Variants in ATP1A3 observed in about 807,000 individuals in gnomAD.
The protein encoded by ATP1A3 is sodium/potassium-transporting ATPase subunit alpha-3.
ATP1A3 carries 12 observed loss-of-function variants against 108.8 expected under a neutral mutation model. The ratio of observed to expected loss-of-function variants is 0.11; its 90% CI spans 0.07 to 0.18. The LOEUF is 0.18. Among genes scored for constraint, ATP1A3 ranks in the 10% least tolerant of loss-of-function variants. The pLI is 1.00. For synonymous variants in ATP1A3, 539 were observed against 564.5 expected (o/e 0.95, Z 0.64); for missense variants, 498 against 1,387.7 (o/e 0.36, Z 10.19).
chr19:41,970,879 T>A (rs541747676), intron 16 of ATP1A3, among the ~76,000 whole-genome samples: 3 of 151,734 alleles, frequency 2.0e-5, no homozygotes, highest in Non-Finnish European at 4.4e-5. Context: ...TGATCTGCCC[T>A]CCTCGGCCTC....
chr19:41,983,727 C>A (rs778140815), intron 8 of ATP1A3, among the ~76,000 whole-genome samples: 6 of 145,784 alleles, frequency 4.1e-5, no homozygotes, highest in Admixed American at 7.0e-5. Context: ...ATAGCTGGAA[C>A]TACAGACATG....
intron 11 of ATP1A3, among the ~76,000 whole-genome samples, chr19:41,979,425 C>T (rs1452240340): frequency 1.3e-5 from 2 of 152,114 alleles, no homozygotes; most frequent in African/African-American, 4.8e-5. Flanking sequence ...TGCGATCCTC[C>T]CGCTTCGGTC....
chr19:41,984,878 C>A, intron 8 of ATP1A3, 40 bp downstream of exon 8: 2 of 1,590,846 alleles, frequency 1.3e-6, no homozygotes, highest in Non-Finnish European at 1.7e-6. Context: ...AGCCCAGACC[C>A]CCAGGCCCTC....
chr19:41,993,290 A>G, intron 1 of ATP1A3: 1 of 1,203,342 alleles, frequency 8.3e-7, no homozygotes. Flanking sequence ...TCACAGACAG[A>G]CAAGGACACA....
At chr19:41,970,675 A>G in intron 16 of ATP1A3, 133 bp from the exon 17 acceptor site, 1 of 1,082,028 alleles carries the variant, frequency 9.2e-7, no homozygotes. Flanking sequence ...TGTGTTGCCC[A>G]GGCTGGAGTG....
intron 14 of ATP1A3, among the ~76,000 whole-genome samples, chr19:41,977,160 C>G (rs1568859420): frequency 6.6e-6 from 1 of 151,526 alleles, no homozygotes; most frequent in East Asian, 2.0e-4. Flanking sequence ...TGAAGGAAGG[C>G]AGAGTCAGAG....
intron 4 of ATP1A3, 55 bp downstream of exon 4, chr19:41,987,881 G>T: frequency 6.3e-7 from 1 of 1,592,168 alleles, no homozygotes; most frequent in Non-Finnish European, 8.6e-7. Flanking sequence ...GTTGGGGTGC[G>T]GTGTCCGTAA....
At chr19:41,969,152 G>A (rs541479727) in intron 19 of ATP1A3, among the ~76,000 whole-genome samples, 4 of 152,164 alleles carry the variant, frequency 2.6e-5, no homozygotes, top group Non-Finnish European at 5.9e-5. Flanking sequence ...GGAGGATAAG[G>A]ACCCTGTGGG....
At chr19:41,982,184 GC>G in intron 8 of ATP1A3, 78 bp from the exon 9 acceptor site, 1 of 1,609,098 alleles carries the variant, frequency 6.2e-7, no homozygotes, top group Non-Finnish European at 8.5e-7. Flanking sequence ...GAGGGCCACA[GC>G]CCAGCTGCCC....
rs2075062868 is a variant in ATP1A3, at chr19:41,968,015, CACAGAGACAGACAGGGACAGACAGAG to C, written c.2820-278_2820-253del. ...GGACAGACACAGAGACAGGGACAGACACAGAGACAGACAGGGACAGACAGAGAGACAGACACAGGGACAGACACAGA... is the reference window on the plus strand; with the variant it reads ...GGACAGACACAGAGACAGGGACAGACAGACAGACACAGGGACAGACACAGA... On this transcript the variant is annotated intron_variant, in intron 20 of 22. Transcript: ENST00000648268. This position sits in a 1 kb window ranked among gnomAD's most constrained non-coding sequence, Gnocchi z 5.0. Among the ~76,000 whole-genome samples, 1 of 130,554 alleles carries C rather than the reference CACAGAGACAGACAGGGACAGACAGAG, an allele frequency of 7.7e-6. No individual in the cohort carries two copies. The highest frequency in any genetic ancestry group is 1.6e-5 in the Non-Finnish European group (1 of 62,722). The allele number at this position is 130,554 out of a possible 152,430, so 85.6% of individuals were successfully genotyped here.
At position 41,978,375 on chromosome 19, in the gene ATP1A3, C is replaced by T; in HGVS notation, c.1631-49G>A. 1 of 1,556,706 alleles carries T rather than the reference C, an allele frequency of 6.4e-7. No homozygotes were observed. The highest frequency in any genetic ancestry group is 8.7e-7 in the Non-Finnish European group (1 of 1,149,712). On this transcript the variant is annotated intron_variant, in intron 12 of 22. Transcript: ENST00000648268. The surrounding 1 kb of genome is among the most constrained non-coding windows in gnomAD (Gnocchi z 8.3). ...TGTGAGGGTCCCAGCCTCGGAACCT[C>T]CGCCCCATGCCCCTAGATGTCTGCA...
In ATP1A3 at chr19:41,967,688, G is replaced by A. The variant is rs782437931; in HGVS notation, c.2895C>T (p.Asp965=). ...TGAGAGGGTACATGCGCAGGGCCAC[G>A]TCCATGCCGGGGCAGTAGGACAGGA... ...AAFLSYCPGM[D]VALRMYPLKP... The change falls in exon 21 of 23, where the codon GAC becomes GAT. Residue 965 remains aspartate (D), a synonymous_variant. Transcript: ENST00000648268. The surrounding 1 kb of genome is among the most constrained non-coding windows in gnomAD (Gnocchi z 4.2). 1.2e-4 allele frequency: 199 copies of A among 1,613,972 alleles called. No individual in the cohort carries two copies. The highest frequency in any genetic ancestry group is 1.6e-4 in the Middle Eastern group (1 of 6,084).
In ATP1A3 at chr19:41,968,153, A is replaced by T. The variant is rs1300079884; in HGVS notation, c.2820-390T>A. Among the ~76,000 whole-genome samples, 2 of 152,084 alleles carry T rather than the reference A, an allele frequency of 1.3e-5. No individual in the cohort carries two copies. Among genetic ancestry groups the T allele is most frequent in the Admixed American group, 1.3e-4 (2 of 15,244 alleles). On this transcript the variant is annotated intron_variant, in intron 20 of 22. Transcript: ENST00000648268. This position sits in a 1 kb window ranked among gnomAD's most constrained non-coding sequence, Gnocchi z 5.0. Reference sequence around the variant, plus strand: ...AAAAGGCCAGGGGCACCTCCACCACACACACAGAGGCTGAGAGAGAATCTA... The same window carrying T: ...AAAAGGCCAGGGGCACCTCCACCACTCACACAGAGGCTGAGAGAGAATCTA...
rs781827466 is a variant in ATP1A3 at position 41,978,133 on chromosome 19, A to G, written c.1806+18T>C. ...CCCCACGCCTGGCTTTGCCTCCCCC[A>G]GCCACCCCAAGCCACACCTTGATGC... On this transcript the variant is annotated intron_variant, in intron 13 of 22. Transcript: ENST00000648268. This position sits in a 1 kb window ranked among gnomAD's most constrained non-coding sequence, Gnocchi z 8.3. 5 of 1,614,062 alleles carry G rather than the reference A, an allele frequency of 3.1e-6. No individual in the cohort carries two copies. The South Asian group carries it at 5.5e-5, about 18-fold the overall frequency.
chr19:41,981,402 C>G lies in ATP1A3; in HGVS notation c.1437+100G>C. ...CCCCACCAGGCGGGTATTATCATTCCCATTTTACAGACGGGAAAATCAAGG... is the reference window on the plus strand; with the variant it reads ...CCCCACCAGGCGGGTATTATCATTCGCATTTTACAGACGGGAAAATCAAGG... On this transcript the variant is annotated intron_variant, in intron 11 of 22. Transcript: ENST00000648268. This position sits in a 1 kb window ranked among gnomAD's most constrained non-coding sequence, Gnocchi z 5.0. 4.4e-6 allele frequency: 7 copies of G among 1,582,742 alleles called. No homozygotes were observed. The highest frequency in any genetic ancestry group is 1.3e-5 in the African/African-American group (1 of 74,328).
At position 41,985,712 on chromosome 19, in the gene ATP1A3, G is replaced by A. The variant is rs1599723362; in HGVS notation, c.606+152C>T. 1.6e-6 allele frequency: 2 copies of A among 1,232,076 alleles called. No homozygotes were observed. Among genetic ancestry groups the A allele is most frequent in the East Asian group, 2.5e-5 (1 of 40,186 alleles). The allele number at this position is 1,232,076 out of a possible 1,614,324, so 76.3% of individuals were successfully genotyped here. ...GGTGGCCCAGGGCCTAAACTCCTGG[G>A]TCTGAGGGAGGAGGGCCTGGGGGCC... is the stretch of plus-strand genomic sequence containing the variant. On this transcript the variant is annotated intron_variant, in intron 6 of 22. Transcript: ENST00000648268. The surrounding 1 kb of genome is among the most constrained non-coding windows in gnomAD (Gnocchi z 8.2).
rs782538415 is a variant in ATP1A3, at chr19:41,994,051, C to G, written c.6+20G>C. 4 of 1,609,612 alleles carry G rather than the reference C, an allele frequency of 2.5e-6. No homozygotes were observed. The Admixed American group carries it at 6.7e-5, about 27-fold the overall frequency. ...CCACAATGTCACACGGAAGCGGCGC[C>G]CAGCCGGCTCAGCACCTACCCCCAT... On this transcript the variant is annotated intron_variant, in intron 1 of 22. Transcript: ENST00000648268.
rs1555859287 is a variant in ATP1A3 at position 41,969,415 on chromosome 19, C to T, written c.2688+20G>A. 3.1e-6 allele frequency: 5 copies of T among 1,614,150 alleles called. No homozygotes were observed. The highest frequency in any genetic ancestry group is 4.2e-6 in the Non-Finnish European group (5 of 1,180,010). ...GGGGATCTTACGGTGGGCAGAGACA[C>T]AGCACCCTGCCCTACTCACCCACTG... On this transcript the variant is annotated intron_variant, in intron 19 of 22. Coordinates refer to ENST00000648268, the MANE Select transcript of ATP1A3 (RefSeq NM_152296.5).
intron 8 of ATP1A3, chr19:41,984,426 T>C (rs2075266746): frequency 6.3e-6 from 1 of 159,596 alleles, no homozygotes; most frequent in Admixed American, 5.9e-5. Flanking sequence ...GGTTTCACCA[T>C]GTTGGCCAGG....
Sources: allele counts gnomAD v4.1 joint callset (sites outside exome capture counted in the v4.1 genomes callset), GRCh38; gene constraint gnomAD v4.1.1; non-coding constraint Gnocchi (gnomAD v3.1); transcripts MANE v1.5; gene names NCBI Gene and HGNC (gene_info 2026-07-23, HGNC 2026-07-21).